Variants in MYO3B observed in about 807,000 individuals in gnomAD.
MYO3B encodes the protein myosin IIIB.
MYO3B carries 156 observed loss-of-function variants against 174.6 expected under a neutral mutation model. The observed-to-expected ratio is 0.89, with a 90% CI of 0.78 to 1.02. The LOEUF is 1.02. MYO3B is among the 50% of genes least tolerant of loss of function. MYO3B has a pLI of 0.00. For missense variants in MYO3B, 1,632 were observed against 1,639.4 expected (o/e 1.00, Z 0.08); for synonymous variants, 563 against 569.1 (o/e 0.99, Z 0.15).
intron 32 of MYO3B, among the ~76,000 whole-genome samples, chr2:170,639,375 G>A (rs764689417): frequency 2.0e-4 from 31 of 152,178 alleles, no homozygotes; most frequent in Non-Finnish European, 3.5e-4. Flanking sequence ...TGCAGTTTGG[G>A]TGGCCATTTT....
intron 30 of MYO3B, among the ~76,000 whole-genome samples, chr2:170,527,038 A>G (rs760509689): frequency 9.9e-5 from 15 of 152,222 alleles, no homozygotes; most frequent in Admixed American, 9.8e-4. Flanking sequence ...TTCCATCTGA[A>G]TAGAATTCCC....
intron 3 of MYO3B, among the ~76,000 whole-genome samples, chr2:170,209,584 C>T (rs957040784): frequency 2.0e-5 from 3 of 152,120 alleles, no homozygotes; most frequent in Non-Finnish European, 2.9e-5. Context: ...TCCTGTGGCA[C>T]CTGTCAGAGT....
At chr2:170,572,640 C>G (rs1692517271) in intron 32 of MYO3B, among the ~76,000 whole-genome samples, 1 of 151,632 alleles carries the variant, frequency 6.6e-6, no homozygotes, top group African/African-American at 2.4e-5. Context: ...GGACCTCCTC[C>G]TCCTCCCACC....
Position 170,616,424 on chromosome 2 carries a change from C to T in MYO3B, c.3734-35204C>T, listed in dbSNP as rs189708260. On this transcript the variant is annotated intron_variant, in intron 32 of 34. Coordinates refer to ENST00000408978, the MANE Select transcript of MYO3B (RefSeq NM_138995.5). ...GCTCTCTGCAGGGGGAATCACATCA[C>T]GTGCAGTTGGCTCATTCTGGCAGTC... is the stretch of plus-strand genomic sequence containing the variant. Among the ~76,000 whole-genome samples the T allele has an allele frequency of 2.4e-3, 369 of 152,278 alleles. 1 individual carries two copies. The highest frequency in any genetic ancestry group is 4.7e-3 in the Admixed American group (72 of 15,296).
intron 26 of MYO3B, among the ~76,000 whole-genome samples, chr2:170,499,087 C>A (rs1279012971): frequency 1.3e-5 from 2 of 152,142 alleles, no homozygotes; most frequent in Non-Finnish European, 2.9e-5. Context: ...TGCTGCATAG[C>A]CTGATTATTA....
At chr2:170,485,412 C>CAT (rs1685977339) in intron 25 of MYO3B, among the ~76,000 whole-genome samples, 1 of 138,674 alleles carries the variant, frequency 7.2e-6, no homozygotes, top group African/African-American at 2.6e-5. Flanking sequence ...CACACACACA[C>CAT]ACACACACAG....
At chr2:170,546,137 C>T (rs550451327) in intron 32 of MYO3B, among the ~76,000 whole-genome samples, 3 of 152,242 alleles carry the variant, frequency 2.0e-5, no homozygotes, top group African/African-American at 4.8e-5. Flanking sequence ...CCTTCTTCCT[C>T]GTTTACTTTT....
chr2:170,400,805 C>A (rs962369947), intron 17 of MYO3B, among the ~76,000 whole-genome samples: 2 of 151,604 alleles, frequency 1.3e-5, no homozygotes, highest in African/African-American at 4.8e-5. Flanking sequence ...GAAAAGAATT[C>A]TATGGCAGGT....
chr2:170,630,329 G>A (rs113682737), intron 32 of MYO3B, among the ~76,000 whole-genome samples: 8 of 152,268 alleles, frequency 5.3e-5, no homozygotes, highest in South Asian at 4.2e-4. Flanking sequence ...ATTGCAAGGC[G>A]GCAAGCCTGG....
intron 32 of MYO3B, among the ~76,000 whole-genome samples, chr2:170,561,288 C>T (rs542445873): frequency 9.2e-5 from 14 of 152,338 alleles, no homozygotes; most frequent in African/African-American, 3.4e-4. Flanking sequence ...CCAGAAGGGA[C>T]AACCTGTGAA....
intron 6 of MYO3B, among the ~76,000 whole-genome samples, chr2:170,232,683 C>T (rs920844908): frequency 5.9e-5 from 9 of 152,236 alleles, no homozygotes; most frequent in African/African-American, 1.4e-4. Flanking sequence ...TCAGTTTCCA[C>T]ACCTGCATAA....
At position 170,415,798 on chromosome 2, in the gene MYO3B, A is replaced by G. The variant is rs1288920345; in HGVS notation, c.2650+7954A>G. On this transcript the variant is annotated intron_variant, in intron 22 of 34. Transcript: ENST00000408978. The stretch of plus-strand genomic sequence containing the variant: ...GCATCCCTTCCTCTCTTACCTCCAC[A>G]AAGATTTTGATCCTGTAGGTATTTC... Among the ~76,000 whole-genome samples, 3 of 152,118 alleles carry G rather than the reference A, an allele frequency of 2.0e-5. No homozygotes were observed. In the East Asian group the frequency reaches 5.8e-4, roughly 29 times the overall value.
rs192323394 is a variant in MYO3B at position 170,484,915 on chromosome 2, C to A, written c.3015-13677C>A. Among the ~76,000 whole-genome samples the A allele has an allele frequency of 4.5e-4, 68 of 151,924 alleles. 1 individual carries two copies. The highest frequency in any genetic ancestry group is 4.0e-4 in the Non-Finnish European group (27 of 67,962). ...GGGGGTAATTATCAGATTATCCAAG[C>A]CAAAATAGTTCTGCTACCTCCATTA... On this transcript the variant is annotated intron_variant, in intron 25 of 34. Transcript: ENST00000408978.
At position 170,400,232 on chromosome 2, in the gene MYO3B, T is replaced by C; in HGVS notation, c.1836T>C (p.Ile612=). Residue 612 remains isoleucine (I), a synonymous_variant, in exon 17 of 35, where the codon ATT becomes ATC. Transcript: ENST00000408978. The part of the protein sequence containing the change: ...VYRILAGILN[I]GNIEFAAISS... The stretch of plus-strand genomic sequence containing the variant: ...GAATTTTGGCTGGGATTTTGAATAT[T>C]GGGAACATTGAGTTCGCAGCTATTT... 6.2e-7 allele frequency: 1 copy of C among 1,614,070 alleles called. No individual in the cohort carries two copies. Among genetic ancestry groups the C allele is most frequent in the Non-Finnish European group, 8.5e-7 (1 of 1,179,994 alleles).
At position 170,463,688 on chromosome 2, in the gene MYO3B, A is replaced by AGCTGC. The variant is rs1265543473; in HGVS notation, c.2808+243_2808+244insGCTGC. On this transcript the variant is annotated intron_variant, in intron 24 of 34. Transcript: ENST00000408978. ...GGTCTTAAAGCTACTAGAGGCAGCC[A>AGCTGC]CTTTTCTAGCATACTGAATAGTAAA... 3.3e-5 allele frequency among the ~76,000 whole-genome samples: 5 copies of AGCTGC among 151,784 alleles called. No individual in the cohort carries two copies. The East Asian group carries it at 9.7e-4, about 29-fold the overall frequency.
At chr2:170,443,863 T>C in intron 22 of MYO3B, 104 bp from the exon 23 acceptor site, 2 of 847,882 alleles carry the variant, frequency 2.4e-6, no homozygotes, top group Non-Finnish European at 3.5e-6. Context: ...GAGCAGATTG[T>C]TTTGAAAATT....
intron 9 of MYO3B, among the ~76,000 whole-genome samples, chr2:170,374,102 T>A (rs1018751164): frequency 6.6e-6 from 1 of 152,220 alleles, no homozygotes; most frequent in Non-Finnish European, 1.5e-5. Flanking sequence ...CCATCACCAC[T>A]GCCGCCTTTC....
At chr2:170,616,712 C>A (rs991714963) in intron 32 of MYO3B, among the ~76,000 whole-genome samples, 1 of 152,104 alleles carries the variant, frequency 6.6e-6, no homozygotes, top group African/African-American at 2.4e-5. Flanking sequence ...GTGGATCCTC[C>A]CAAAGATTTT....
chr2:170,439,735 C>T (rs994399816), intron 22 of MYO3B, among the ~76,000 whole-genome samples: 1 of 152,172 alleles, frequency 6.6e-6, no homozygotes, highest in Admixed American at 6.5e-5. Context: ...GGCTGGAATG[C>T]AGTGGTGCTA....
Sources: gnomAD v4.1 joint callset for allele counts (sites outside exome capture counted in the v4.1 genomes callset) on GRCh38, gnomAD v4.1.1 for gene constraint, MANE v1.5 for transcripts, NCBI Gene and HGNC (gene_info 2026-07-23, HGNC 2026-07-21) for gene names.